Variants in MAP3K7CL observed in about 807,000 individuals in gnomAD.
MAP3K7CL encodes MAP3K7 C-terminal like, also known as MAP3K7 C-terminal-like protein.
MAP3K7CL carries 16 observed loss-of-function variants against 18.6 expected under a neutral mutation model. That is an observed-to-expected ratio of 0.86 (90% CI 0.58 to 1.31). The LOEUF is 1.31. Ranked by LOEUF, MAP3K7CL falls within the 50% of genes most tolerant of loss-of-function variation. The pLI, the probability that MAP3K7CL is intolerant of heterozygous loss-of-function variation, is 0.00. For missense variants in MAP3K7CL, 163 were observed against 174.4 expected (o/e 0.93, Z 0.37); for synonymous variants, 65 against 66.8 (o/e 0.97, Z 0.13).
Position 29,174,734 on chromosome 21 carries a change from GAT to G in MAP3K7CL, c.272_273del (p.Asp91AlafsTer11). ...CAGGAAGGAGCTCATTGCCAAGTTA[GAT>G]CAGGCAGAAAAGGAGAAGGTGGATG... ...QRKKELIAKLDQAEKEKVDAA... is the reference protein window; with the variant it reads ...QRKKELIAKLXQAEKEKVDAA... On this transcript the variant is annotated frameshift_variant, in exon 5 of 5. Coordinates refer to ENST00000399928, the MANE Select transcript of MAP3K7CL (RefSeq NM_001286620.2). LOFTEE classifies it high-confidence loss of function. 1 of 1,614,154 alleles carries G rather than the reference GAT, an allele frequency of 6.2e-7. No individual in the cohort carries two copies. The highest frequency in any genetic ancestry group is 8.5e-7 in the Non-Finnish European group (1 of 1,180,010).
At chr21:29,100,597 G>A (rs573909009) in intron 4 of MAP3K7CL, among the ~76,000 whole-genome samples, 45 of 150,074 alleles carry the variant, frequency 3.0e-4, no homozygotes, top group African/African-American at 1.1e-3. Flanking sequence ...AGATCACAGA[G>A]TTGTTGGTTA....
intron 1 of MAP3K7CL, among the ~76,000 whole-genome samples, chr21:29,132,672 A>G (rs149918065): frequency 5.3e-5 from 8 of 152,014 alleles, no homozygotes; most frequent in African/African-American, 1.7e-4. Context: ...AGCATGCCCC[A>G]CTAATTTTTG....
chr21:29,081,547 C>T (rs1049261487), upstream of MAP3K7CL, among the ~76,000 whole-genome samples: 4 of 151,834 alleles, frequency 2.6e-5, no homozygotes, highest in African/African-American at 4.8e-5. Flanking sequence ...AGCGAGACTC[C>T]GTCTCAAAAA....
Position 29,130,897 on chromosome 21 carries a change from A to T in MAP3K7CL, c.-66A>T, listed in dbSNP as rs1437063584. 6.1e-6 allele frequency: 6 copies of T among 985,432 alleles called. No homozygotes were observed. Among genetic ancestry groups the T allele is most frequent in the Middle Eastern group, 5.2e-4 (1 of 1,936 alleles). The allele number at this position is 985,432 out of a possible 1,614,324, so 61.0% of individuals were successfully genotyped here. On this transcript the variant is annotated 5_prime_UTR_variant, in exon 1 of 5. Transcript: ENST00000399928. Reference sequence around the variant, plus strand: ...AAGGCAGTGGCTGGCTCTGGGTTACACAAGTGCAGACACTCAACTAAGTGA... The same window carrying T: ...AAGGCAGTGGCTGGCTCTGGGTTACTCAAGTGCAGACACTCAACTAAGTGA...
chr21:29,148,061 CT>C (rs2087180861), intron 2 of MAP3K7CL, among the ~76,000 whole-genome samples: 1 of 151,442 alleles, frequency 6.6e-6, no homozygotes, highest in Non-Finnish European at 1.5e-5. Context: ...TATATGTGTA[CT>C]GTATATGTAT....
intron 1 of MAP3K7CL, among the ~76,000 whole-genome samples, chr21:29,087,667 C>T (rs554993001): frequency 1.3e-5 from 2 of 148,360 alleles, no homozygotes; most frequent in Non-Finnish European, 3.0e-5. Flanking sequence ...GATCTCCGCT[C>T]ACTGCAAGCT....
chr21:29,134,940 A>C (rs901995220), intron 2 of MAP3K7CL, among the ~76,000 whole-genome samples: 3 of 149,946 alleles, frequency 2.0e-5, no homozygotes, highest in Admixed American at 2.0e-4. Flanking sequence ...AGTCCCAGCT[A>C]CTCGGGAGGC....
intron 4 of MAP3K7CL, among the ~76,000 whole-genome samples, chr21:29,117,145 A>T (rs780591141): frequency 2.4e-4 from 36 of 152,190 alleles, no homozygotes; most frequent in Admixed American, 8.5e-4. Flanking sequence ...TTAATTTAAT[A>T]TAATTAATAT....
upstream of MAP3K7CL, among the ~76,000 whole-genome samples, chr21:29,128,595 C>T (rs960362747): frequency 1.3e-5 from 2 of 152,200 alleles, no homozygotes; most frequent in African/African-American, 4.8e-5. Context: ...AGCCACCGCG[C>T]CCGGCCAATT....
At chr21:29,167,322 A>T (rs1389884745) in intron 4 of MAP3K7CL, among the ~76,000 whole-genome samples, 1 of 152,198 alleles carries the variant, frequency 6.6e-6, no homozygotes, top group Non-Finnish European at 1.5e-5. Flanking sequence ...GGGTTTTCAT[A>T]TGAGGCTATC....
intron 4 of MAP3K7CL, among the ~76,000 whole-genome samples, chr21:29,115,171 C>G (rs910003426): frequency 6.6e-6 from 1 of 152,188 alleles, no homozygotes; most frequent in Non-Finnish European, 1.5e-5. Context: ...CCATGTAGGG[C>G]TCTAGATCCC....
chr21:29,092,392 G>T, intron 3 of MAP3K7CL: 1 of 1,609,740 alleles, frequency 6.2e-7, no homozygotes. Context: ...TCTGTGCGGG[G>T]TCATTTGTCT....
intron 2 of MAP3K7CL, among the ~76,000 whole-genome samples, chr21:29,144,534 A>G (rs917131759): frequency 6.6e-6 from 1 of 152,214 alleles, no homozygotes; most frequent in African/African-American, 2.4e-5. Flanking sequence ...TAGTAAGTGA[A>G]GAAGAGCGGA....
chr21:29,129,189 ATTATTAGTCCATAGTTTACAT>A (rs1386611026), upstream of MAP3K7CL, among the ~76,000 whole-genome samples: 2 of 152,226 alleles, frequency 1.3e-5, no homozygotes, highest in African/African-American at 4.8e-5. Context: ...ATTATTATTC[ATTATTAGTCCATAGTTTACAT>A]TAGGGTTCAC....
intron 3 of MAP3K7CL, among the ~76,000 whole-genome samples, chr21:29,157,432 T>G (rs1373095093): frequency 1.3e-5 from 2 of 152,230 alleles, no homozygotes; most frequent in Admixed American, 1.3e-4. Context: ...GTGCTGAGTT[T>G]TATGTCAAGT....
At chr21:29,113,815 G>A (rs774953650) in intron 4 of MAP3K7CL, among the ~76,000 whole-genome samples, 1 of 152,106 alleles carries the variant, frequency 6.6e-6, no homozygotes, top group Non-Finnish European at 1.5e-5. Context: ...GTAGGCATGA[G>A]CCACCACGCC....
chr21:29,134,479 TTTAACCTGG>T (rs2086841912), intron 2 of MAP3K7CL, among the ~76,000 whole-genome samples: 2 of 152,204 alleles, frequency 1.3e-5, no homozygotes, highest in African/African-American at 4.8e-5. Flanking sequence ...AGGTGACACA[TTTAACCTGG>T]AGTTTCCTAG....
rs187740234 is a variant in MAP3K7CL, at chr21:29,115,030, A to T, written c.370+22449A>T. ...GATCCTCAGCTGATGCAAACCATTT[A>T]TTTATGTTTGCCCATTGGACAGCAG... On this transcript the variant is annotated intron_variant, in intron 4 of 6. Transcript: ENST00000286791. Among the ~76,000 whole-genome samples the T allele has an allele frequency of 5.0e-3, 758 of 152,226 alleles. 1 individual carries two copies. Among genetic ancestry groups the T allele is most frequent in the Non-Finnish European group, 8.0e-3 (541 of 68,006 alleles).
At chr21:29,102,467 CT>C (rs2086247266) in intron 4 of MAP3K7CL, 1 of 109,108 alleles carries the variant, frequency 9.2e-6, no homozygotes, top group Non-Finnish European at 1.7e-5. Context: ...GATTCTCTCT[CT>C]CTCTCTCTCT....
Sources: allele counts gnomAD v4.1 joint callset (sites outside exome capture counted in the v4.1 genomes callset), GRCh38; gene constraint gnomAD v4.1.1; transcripts MANE v1.5; gene names NCBI Gene and HGNC (gene_info 2026-07-23, HGNC 2026-07-21).